The following CTNNA2 variants were observed in gnomAD, a reference collection of about 807,000 sequenced individuals.
The protein encoded by CTNNA2 is catenin alpha 2.
Under a neutral mutation model 101.0 loss-of-function variants are expected in CTNNA2, and 42 were observed. The observed-to-expected ratio is 0.42, with a 90% CI of 0.32 to 0.54. The LOEUF (loss-of-function observed/expected upper bound fraction) is 0.54. CTNNA2 is among the 20% of genes least tolerant of loss of function. The pLI is 0.14. For synonymous variants in CTNNA2, 450 were observed against 456.4 expected (o/e 0.99, Z 0.18); for missense variants, 871 against 1,223.1 (o/e 0.71, Z 4.29).
At chr2:79,822,464 T>C (rs957288561) in intron 3 of CTNNA2, among the ~76,000 whole-genome samples, 5 of 152,218 alleles carry the variant, frequency 3.3e-5, no homozygotes, top group African/African-American at 1.2e-4. Flanking sequence ...GTCAACATCC[T>C]ATTCTCTTCA....
At chr2:79,877,289 AT>A (rs1683098922) in intron 6 of CTNNA2, among the ~76,000 whole-genome samples, 1 of 152,138 alleles carries the variant, frequency 6.6e-6, no homozygotes, top group Non-Finnish European at 1.5e-5. Context: ...TTCCCTAACA[AT>A]TGTCATTTAA....
At chr2:79,508,987 ATATATATATATATATATATATATAT>A, upstream of CTNNA2, among the ~76,000 whole-genome samples, 7 of 47,778 alleles carry the variant, frequency 1.5e-4, 1 homozygote, top group Admixed American at 9.7e-4. Flanking sequence ...ATATATATAT[ATATATATATATATATATATATATAT>A]AAACAATTAC....
intron 4 of CTNNA2, among the ~76,000 whole-genome samples, chr2:79,416,323 TTTCTAA>T (rs1239796620): frequency 6.6e-6 from 1 of 150,864 alleles, no homozygotes; most frequent in East Asian, 1.9e-4. Flanking sequence ...AACAACTACT[TTTCTAA>T]GCTGTAATTT....
intron 4 of CTNNA2, among the ~76,000 whole-genome samples, chr2:79,458,209 G>A (rs1293194580): frequency 6.6e-6 from 1 of 152,234 alleles, no homozygotes; most frequent in African/African-American, 2.4e-5. Context: ...GCTTTTGGAT[G>A]TGATCATTTC....
At chr2:80,255,494 A>G (rs1321107904) in intron 7 of CTNNA2, among the ~76,000 whole-genome samples, 1 of 152,206 alleles carries the variant, frequency 6.6e-6, no homozygotes, top group Admixed American at 6.5e-5. Flanking sequence ...TATAATGCTG[A>G]TTTCTTTCAA....
At chr2:79,957,929 A>T (rs377492795) in intron 7 of CTNNA2, among the ~76,000 whole-genome samples, 16 of 152,212 alleles carry the variant, frequency 1.1e-4, no homozygotes, top group African/African-American at 3.4e-4. Context: ...ATTAAATGTA[A>T]TCATTGACAG....
intron 2 of CTNNA2, among the ~76,000 whole-genome samples, chr2:79,273,440 T>C (rs1675134597): frequency 6.6e-6 from 1 of 152,128 alleles, no homozygotes; most frequent in Admixed American, 6.6e-5. Flanking sequence ...CGCTCTAGTA[T>C]ATTGACTTTG....
At chr2:79,938,334 T>C (rs61678251) in intron 7 of CTNNA2, among the ~76,000 whole-genome samples, 8,014 of 152,192 alleles carry the variant, frequency 0.053, 727 homozygotes, top group African/African-American at 0.18. Flanking sequence ...TTTCAGAAAA[T>C]GGAGTATCAG....
intron 1 of CTNNA2, among the ~76,000 whole-genome samples, chr2:79,530,984 A>G (rs1382937205): frequency 6.6e-6 from 1 of 151,900 alleles, no homozygotes; most frequent in Non-Finnish European, 1.5e-5. Context: ...AATAATTTAT[A>G]TTCTTTCTTA....
At chr2:79,707,149 T>G (rs1028377206) in intron 2 of CTNNA2, among the ~76,000 whole-genome samples, 1 of 152,108 alleles carries the variant, frequency 6.6e-6, no homozygotes, top group Non-Finnish European at 1.5e-5. Flanking sequence ...CAGCAACATC[T>G]GTGCGAGGAC....
chr2:79,813,775 C>T (rs976979208), intron 3 of CTNNA2, among the ~76,000 whole-genome samples: 1 of 152,134 alleles, frequency 6.6e-6, no homozygotes, highest in Non-Finnish European at 1.5e-5. Context: ...AAGAAAAAAG[C>T]ACACTCTTAT....
At chr2:80,192,757 C>T (rs1302208086) in intron 7 of CTNNA2, among the ~76,000 whole-genome samples, 1 of 152,188 alleles carries the variant, frequency 6.6e-6, no homozygotes, top group East Asian at 1.9e-4. Flanking sequence ...TTGTGATCCA[C>T]CCGCCTCGGC....
intron 7 of CTNNA2, among the ~76,000 whole-genome samples, chr2:79,955,286 T>C (rs570715714): frequency 3.3e-5 from 5 of 152,308 alleles, no homozygotes; most frequent in Middle Eastern, 6.8e-3. Flanking sequence ...GTTTAATAGA[T>C]TAAATTTTAG....
At chr2:80,306,648 G>A (rs1193638660) in intron 7 of CTNNA2, among the ~76,000 whole-genome samples, 6 of 151,768 alleles carry the variant, frequency 4.0e-5, no homozygotes, top group South Asian at 4.2e-4. Flanking sequence ...ACAATTATTC[G>A]TGACAGCAGG....
chr2:80,400,142 T>C lies in CTNNA2; in HGVS notation c.1137+6851T>C, dbSNP rs574471504. Among the ~76,000 whole-genome samples the C allele has an allele frequency of 1.7e-3, 255 of 152,332 alleles. 4 individuals are homozygous for C. Among genetic ancestry groups the C allele is most frequent in the African/African-American group, 5.6e-3 (233 of 41,570 alleles). On this transcript the variant is annotated intron_variant, in intron 8 of 18. Coordinates refer to ENST00000402739, the MANE Select transcript of CTNNA2 (RefSeq NM_001282597.3). ...CTTGATTCTGACTGAATGTACTCAG[T>C]GGATCTTTGCAGTCAGCTTGTAGCC...
At chr2:79,975,734 G>T (rs1343510093) in intron 7 of CTNNA2, among the ~76,000 whole-genome samples, 1 of 152,212 alleles carries the variant, frequency 6.6e-6, no homozygotes, top group Non-Finnish European at 1.5e-5. Context: ...TGAATAACCA[G>T]GTGGAAGACA....
chr2:79,920,958 A>G (rs1452187279), intron 7 of CTNNA2, among the ~76,000 whole-genome samples: 3 of 152,156 alleles, frequency 2.0e-5, no homozygotes, highest in African/African-American at 7.2e-5. Context: ...GAGGAGCTGG[A>G]CCATTTTTAG....
intron 11 of CTNNA2, among the ~76,000 whole-genome samples, chr2:80,555,305 G>A (rs1226105926): frequency 3.3e-5 from 5 of 152,182 alleles, no homozygotes; most frequent in Admixed American, 2.6e-4. Context: ...AGGCCCTGTC[G>A]TGTGTAAGTA....
intron 2 of CTNNA2, among the ~76,000 whole-genome samples, chr2:79,248,586 G>T (rs565286135): frequency 4.6e-5 from 7 of 152,210 alleles, no homozygotes; most frequent in Admixed American, 1.3e-4. Context: ...TAGTGGTCCT[G>T]CCCCGTAGTC....
Sources: gnomAD v4.1 joint callset for allele counts (sites outside exome capture counted in the v4.1 genomes callset) on GRCh38, gnomAD v4.1.1 for gene constraint, MANE v1.5 for transcripts, NCBI Gene and HGNC (gene_info 2026-07-23, HGNC 2026-07-21) for gene names.